The following FRMD4B variants were observed in gnomAD, a reference collection of about 807,000 sequenced individuals.
The protein encoded by FRMD4B is FERM domain-containing protein 4B.
FRMD4B carries 74 observed loss-of-function variants against 141.5 expected under a neutral mutation model. The observed-to-expected ratio is 0.52, with a 90% CI of 0.43 to 0.63. The LOEUF is 0.63. Among genes scored for constraint, FRMD4B ranks in the 30% least tolerant of loss-of-function variants. The pLI, the probability that FRMD4B is intolerant of heterozygous loss-of-function variation, is 0.00. For synonymous variants in FRMD4B, 506 were observed against 467.9 expected (o/e 1.08, Z -1.05); for missense variants, 1,366 against 1,253.4 (o/e 1.09, Z -1.36).
chr3:69,537,033 C>A (rs952718575), intron 1 of FRMD4B, among the ~76,000 whole-genome samples: 5 of 152,204 alleles, frequency 3.3e-5, no homozygotes, highest in African/African-American at 1.2e-4. Flanking sequence ...CAGGCATGAG[C>A]CACTGCACCC....
At chr3:69,323,020 T>G in intron 1 of FRMD4B, 4 of 978,024 alleles carry the variant, frequency 4.1e-6, no homozygotes, top group Non-Finnish European at 4.9e-6. Flanking sequence ...GTACATCTCT[T>G]GCAGGTTCAC....
rs765555616 is a variant in FRMD4B at position 69,287,820 on chromosome 3, T to C, written c.433A>G (p.Ile145Val). ...GTGGTTTTATCCTTTAAAAACGATA[T>C]GCTCTCAATGTAAAACCTGAAAAAC... ...HFAVRFYIES[I>V]SFLKDKTTVE... The change falls in exon 5 of 23, where the codon ATA (isoleucine) becomes GTA (valine). Residue 145 changes from isoleucine (I) to valine (V), a missense_variant. Physicochemically the swap from Ile to Val is conservative, Grantham distance 29. Transcript: ENST00000398540. 8.9e-6 allele frequency: 14 copies of C among 1,571,498 alleles called. No homozygotes were observed. The African/African-American group carries it at 1.8e-4, about 20-fold the overall frequency.
At chr3:69,233,867 G>A (rs149591155) in intron 7 of FRMD4B, among the ~76,000 whole-genome samples, 55 of 152,216 alleles carry the variant, frequency 3.6e-4, no homozygotes, top group African/African-American at 1.2e-3. Context: ...TTCTTTGTCT[G>A]TGCTTACTAG....
intron 4 of FRMD4B, among the ~76,000 whole-genome samples, chr3:69,293,678 C>T (rs574677585): frequency 1.1e-4 from 17 of 151,898 alleles, no homozygotes; most frequent in Non-Finnish European, 2.1e-4. Context: ...GCCAGGAGTT[C>T]GAGACCAGCC....
intron 1 of FRMD4B, among the ~76,000 whole-genome samples, chr3:69,511,869 G>C (rs1453818029): frequency 2.6e-5 from 4 of 152,178 alleles, no homozygotes; most frequent in Non-Finnish European, 5.9e-5. Flanking sequence ...CCTTGGACAT[G>C]CTTCTCAGAG....
At chr3:69,330,254 T>C (rs1423646789) in intron 1 of FRMD4B, among the ~76,000 whole-genome samples, 1 of 150,364 alleles carries the variant, frequency 6.7e-6, no homozygotes, top group Non-Finnish European at 1.5e-5. Context: ...AAGGTCCCAT[T>C]GGCAGCTGAG....
intron 11 of FRMD4B, among the ~76,000 whole-genome samples, chr3:69,202,405 C>T (rs951861371): frequency 1.4e-5 from 2 of 148,104 alleles, no homozygotes; most frequent in Non-Finnish European, 3.0e-5. Flanking sequence ...TGTATGTACA[C>T]ATACACTTGT....
intron 1 of FRMD4B, among the ~76,000 whole-genome samples, chr3:69,333,262 G>C (rs1382041033): frequency 6.6e-6 from 1 of 152,150 alleles, no homozygotes; most frequent in Non-Finnish European, 1.5e-5. Context: ...TTTGGCTTGT[G>C]AACTATTCCA....
intron 11 of FRMD4B, among the ~76,000 whole-genome samples, chr3:69,201,545 A>G (rs1024092443): frequency 5.5e-4 from 27 of 49,326 alleles, no homozygotes; most frequent in African/African-American, 1.0e-3. Context: ...AACATTAAGT[A>G]TTATTACATT....
chr3:69,194,369 C>T (rs1392634271), intron 16 of FRMD4B, among the ~76,000 whole-genome samples: 2 of 152,124 alleles, frequency 1.3e-5, no homozygotes, highest in African/African-American at 2.4e-5. Context: ...AGTATATGTG[C>T]ATTGCTTAGC....
chr3:69,278,869 A>T (rs1337708970), intron 5 of FRMD4B, among the ~76,000 whole-genome samples: 1 of 152,158 alleles, frequency 6.6e-6, no homozygotes, highest in African/African-American at 2.4e-5. Flanking sequence ...GATTAGAAGC[A>T]TGAGCCACCA....
intron 5 of FRMD4B, among the ~76,000 whole-genome samples, chr3:69,262,471 T>C (rs2093533667): frequency 6.9e-6 from 1 of 145,196 alleles, no homozygotes; most frequent in Non-Finnish European, 1.5e-5. Flanking sequence ...TTTTTTTTTT[T>C]TTTTTTTTTT....
At chr3:69,248,973 G>A (rs1019952137) in intron 7 of FRMD4B, among the ~76,000 whole-genome samples, 3 of 152,138 alleles carry the variant, frequency 2.0e-5, no homozygotes, top group East Asian at 1.9e-4. Flanking sequence ...ATTAACAGAT[G>A]ACAGAAAACA....
chr3:69,376,325 T>C (rs1276173228), intron 1 of FRMD4B, among the ~76,000 whole-genome samples: 1 of 152,162 alleles, frequency 6.6e-6, no homozygotes, highest in Non-Finnish European at 1.5e-5. Context: ...TTTTTCCCTA[T>C]ATTACCTTTT....
At chr3:69,180,354 C>A (rs1426142797) in intron 21 of FRMD4B, among the ~76,000 whole-genome samples, 1 of 151,742 alleles carries the variant, frequency 6.6e-6, no homozygotes, top group Non-Finnish European at 1.5e-5. Flanking sequence ...GCCTAAGTAC[C>A]TGCATAATCC....
intron 1 of FRMD4B, among the ~76,000 whole-genome samples, chr3:69,331,091 A>G (rs1352735377): frequency 6.6e-6 from 1 of 152,154 alleles, no homozygotes; most frequent in Non-Finnish European, 1.5e-5. Context: ...CAGGGAACCA[A>G]ATATTTTCCC....
intron 4 of FRMD4B, among the ~76,000 whole-genome samples, chr3:69,289,723 T>A (rs1274881231): frequency 6.6e-6 from 1 of 151,998 alleles, no homozygotes; most frequent in Non-Finnish European, 1.5e-5. Context: ...CACTTGAGCC[T>A]GGAAGGTGGA....
intron 1 of FRMD4B, among the ~76,000 whole-genome samples, chr3:69,516,208 C>T (rs951233060): frequency 2.6e-5 from 4 of 151,990 alleles, no homozygotes; most frequent in Admixed American, 1.3e-4. Context: ...GTGGGCAACA[C>T]AGCAAGACCC....
chr3:69,276,021 A>T (rs2093616434), intron 5 of FRMD4B, among the ~76,000 whole-genome samples: 1 of 152,212 alleles, frequency 6.6e-6, no homozygotes, highest in Admixed American at 6.6e-5. Context: ...AACATTTAAC[A>T]ACATTAGACT....
Sources: gnomAD v4.1 joint callset for allele counts (sites outside exome capture counted in the v4.1 genomes callset) on GRCh38, gnomAD v4.1.1 for gene constraint, MANE v1.5 for transcripts, NCBI Gene and HGNC (gene_info 2026-07-23, HGNC 2026-07-21) for gene names.